The following CSNK2A2IP variants were observed in gnomAD, a reference collection of about 807,000 sequenced individuals.
CSNK2A2IP encodes the protein casein kinase II subunit alpha'-interacting protein.
chr3:88,420,984 T>C, the CSNK2A2IP span, among the ~76,000 whole-genome samples: 1 of 152,114 alleles, frequency 6.6e-6, no homozygotes, highest in African/African-American at 2.4e-5. Context: ...AAGAGATACA[T>C]TTACAGAGAA....
At chr3:88,466,413 C>G in the CSNK2A2IP span, 3 of 1,231,938 alleles carry the variant, frequency 2.4e-6, no homozygotes, top group Non-Finnish European at 3.0e-6. Context: ...CACCAAATGG[C>G]AAACACAGAG....
the CSNK2A2IP span, among the ~76,000 whole-genome samples, chr3:88,459,969 A>G: frequency 2.6e-5 from 4 of 152,112 alleles, no homozygotes; most frequent in African/African-American, 7.2e-5. Flanking sequence ...GAATTGCTCT[A>G]TTCCTTTTAA....
the CSNK2A2IP span, among the ~76,000 whole-genome samples, chr3:88,426,255 C>G: frequency 6.6e-6 from 1 of 152,004 alleles, no homozygotes; most frequent in Non-Finnish European, 1.5e-5. Flanking sequence ...TTAAATATTG[C>G]CTTAATGCCA....
the CSNK2A2IP span, chr3:88,466,972 G>T: frequency 2.3e-5 from 28 of 1,231,000 alleles, no homozygotes; most frequent in Non-Finnish European, 2.8e-5. Context: ...CCCTATGAAA[G>T]AAAACCAGCC....
chr3:88,395,810 C>T, the CSNK2A2IP span, among the ~76,000 whole-genome samples: 1 of 151,982 alleles, frequency 6.6e-6, no homozygotes, highest in African/African-American at 2.4e-5. Flanking sequence ...ATGTACATGT[C>T]TTTCATATTT....
chr3:88,440,839 G>A, the CSNK2A2IP span, among the ~76,000 whole-genome samples: 8 of 152,128 alleles, frequency 5.3e-5, no homozygotes, highest in South Asian at 4.2e-4. Context: ...ACATTCATCC[G>A]GTTACCTCAT....
At chr3:88,358,552 A>G in the CSNK2A2IP span, among the ~76,000 whole-genome samples, 6 of 151,808 alleles carry the variant, frequency 4.0e-5, no homozygotes, top group African/African-American at 1.2e-4. Context: ...ATGAAAGGGT[A>G]TTGAATTATA....
At chr3:88,374,716 C>T in the CSNK2A2IP span, among the ~76,000 whole-genome samples, 455 of 151,788 alleles carry the variant, frequency 3.0e-3, 5 homozygotes, top group African/African-American at 0.01. Flanking sequence ...TCACAAGTTA[C>T]TTTGCTTTAA....
At chr3:88,356,485 T>C in the CSNK2A2IP span, among the ~76,000 whole-genome samples, 3 of 152,158 alleles carry the variant, frequency 2.0e-5, no homozygotes, top group African/African-American at 7.2e-5. Context: ...ACATTTTCTT[T>C]ATCTATTCTT....
chr3:88,352,722 G>A, the CSNK2A2IP span, among the ~76,000 whole-genome samples: 2 of 151,930 alleles, frequency 1.3e-5, no homozygotes, highest in African/African-American at 4.8e-5. Flanking sequence ...CGGACCACAG[G>A]CTTGTGATAT....
chr3:88,457,558 A>G, the CSNK2A2IP span, among the ~76,000 whole-genome samples: 33 of 151,862 alleles, frequency 2.2e-4, no homozygotes, highest in Non-Finnish European at 3.8e-4. Context: ...TTAGCTGGGC[A>G]TGGTGGCAGT....
At chr3:88,406,792 T>G in the CSNK2A2IP span, among the ~76,000 whole-genome samples, 1 of 152,140 alleles carries the variant, frequency 6.6e-6, no homozygotes, top group Non-Finnish European at 1.5e-5. Flanking sequence ...AGAAAAAAAA[T>G]GTACGTAGTA....
the CSNK2A2IP span, among the ~76,000 whole-genome samples, chr3:88,358,316 C>T: frequency 5.9e-5 from 9 of 152,070 alleles, no homozygotes; most frequent in African/African-American, 2.2e-4. Flanking sequence ...AATTTGGGTG[C>T]CCTTTATTTC....
chr3:88,340,167 T>C, the CSNK2A2IP span, among the ~76,000 whole-genome samples: 68 of 152,110 alleles, frequency 4.5e-4, no homozygotes, highest in East Asian at 0.012. Flanking sequence ...TAATTTTCTT[T>C]CCTTTTTTCA....
chr3:88,371,966 C>T, the CSNK2A2IP span, among the ~76,000 whole-genome samples: 1 of 151,612 alleles, frequency 6.6e-6, no homozygotes, highest in Non-Finnish European at 1.5e-5. Flanking sequence ...CCCAGCCAAG[C>T]TGTCTCTCAA....
chr3:88,414,136 A>G, the CSNK2A2IP span, among the ~76,000 whole-genome samples: 2 of 150,966 alleles, frequency 1.3e-5, no homozygotes, highest in Non-Finnish European at 2.9e-5. Context: ...TAAACTGCTG[A>G]TAAAAGTACA....
chr3:88,447,375 T>A, the CSNK2A2IP span, among the ~76,000 whole-genome samples: 2 of 152,058 alleles, frequency 1.3e-5, no homozygotes, highest in Non-Finnish European at 2.9e-5. Context: ...AATATTTGGT[T>A]GTTTTAATAA....
chr3:88,402,855 C>T, the CSNK2A2IP span, among the ~76,000 whole-genome samples: 1 of 151,832 alleles, frequency 6.6e-6, no homozygotes, highest in Non-Finnish European at 1.5e-5. Flanking sequence ...TTTGATCAAA[C>T]CTTCATTTTT....
At chr3:88,350,601 A>T in the CSNK2A2IP span, among the ~76,000 whole-genome samples, 1 of 5,434 alleles carries the variant, frequency 1.8e-4, no homozygotes, top group Non-Finnish European at 0.026. Flanking sequence ...AAAGATGATG[A>T]AAAAAAAAAA....
Sources: allele counts gnomAD v4.1 joint callset (sites outside exome capture counted in the v4.1 genomes callset), GRCh38; gene constraint gnomAD v4.1.1; transcripts MANE v1.5; gene names NCBI Gene and HGNC (gene_info 2026-07-23, HGNC 2026-07-21).